The following SPATA17 variants were observed in gnomAD, a reference collection of about 807,000 sequenced individuals.
SPATA17 encodes the protein spermatogenesis associated 17, also known as spermatogenesis-associated protein 17.
SPATA17 carries 53 observed loss-of-function variants against 62.2 expected under a neutral mutation model. That is an observed-to-expected ratio of 0.85 (90% CI 0.68 to 1.07). The LOEUF is 1.07. SPATA17 is among the 50% of genes least tolerant of loss of function. The probability of loss-of-function intolerance (pLI) is 0.00; values close to 1 mark genes in which losing one functional copy is unlikely to be tolerated. For missense variants in SPATA17, 466 were observed against 425.5 expected (o/e 1.10, Z -0.84); for synonymous variants, 146 against 146.8 (o/e 0.99, Z 0.04).
intron 7 of SPATA17, among the ~76,000 whole-genome samples, chr1:217,775,203 A>T (rs1164365678): frequency 6.6e-6 from 1 of 152,080 alleles, no homozygotes; most frequent in African/African-American, 2.4e-5. Context: ...GAATCTTTTT[A>T]TGTGCCTATT....
At chr1:217,759,953 C>T (rs1263111590) in intron 6 of SPATA17, among the ~76,000 whole-genome samples, 1 of 151,994 alleles carries the variant, frequency 6.6e-6, no homozygotes, top group African/African-American at 2.4e-5. Context: ...TAATGATAGA[C>T]TGAAAGTAAA....
At chr1:217,792,600 CA>C (rs1384933995) in intron 8 of SPATA17, among the ~76,000 whole-genome samples, 1 of 152,172 alleles carries the variant, frequency 6.6e-6, no homozygotes, top group African/African-American at 2.4e-5. Context: ...TTCTGTTTTT[CA>C]GTTCAAATTT....
At chr1:217,721,209 C>G (rs995094119) in intron 5 of SPATA17, among the ~76,000 whole-genome samples, 1 of 152,180 alleles carries the variant, frequency 6.6e-6, no homozygotes, top group African/African-American at 2.4e-5. Flanking sequence ...TGGCTTAATA[C>G]AGTAATTAAT....
intron 5 of SPATA17, among the ~76,000 whole-genome samples, chr1:217,723,358 A>T (rs886842139): frequency 5.3e-5 from 8 of 152,168 alleles, no homozygotes; most frequent in African/African-American, 1.9e-4. Flanking sequence ...TCGGGGGCCC[A>T]TAAAAGATTT....
At chr1:217,785,865 A>G (rs1673846899) in intron 8 of SPATA17, among the ~76,000 whole-genome samples, 1 of 152,118 alleles carries the variant, frequency 6.6e-6, no homozygotes, top group Non-Finnish European at 1.5e-5. Flanking sequence ...TGGAAAATAG[A>G]TTACGGAAGT....
chr1:217,838,447 T>C (rs1170433465), intron 9 of SPATA17, among the ~76,000 whole-genome samples: 1 of 152,100 alleles, frequency 6.6e-6, no homozygotes, highest in Non-Finnish European at 1.5e-5. Flanking sequence ...AGTTCGCTCA[T>C]TATAGGTCCA....
chr1:217,747,388 G>A (rs1672786546), intron 6 of SPATA17, among the ~76,000 whole-genome samples: 1 of 152,022 alleles, frequency 6.6e-6, no homozygotes, highest in African/African-American at 2.4e-5. Context: ...TATATGCAAA[G>A]GCCTATTGTT....
intron 9 of SPATA17, among the ~76,000 whole-genome samples, chr1:217,838,201 C>A (rs2103005311): frequency 6.6e-6 from 1 of 152,116 alleles, no homozygotes; most frequent in African/African-American, 2.4e-5. Context: ...CATAGTATTT[C>A]TATTAGACAG....
At chr1:217,862,977 T>C in intron 10 of SPATA17, 121 bp downstream of exon 10, 1 of 520,184 alleles carries the variant, frequency 1.9e-6, no homozygotes, top group Admixed American at 3.2e-5. Context: ...TTTTATGTAA[T>C]AAGACTCCAT....
rs527540784 is a variant in SPATA17 at position 217,730,279 on chromosome 1, G to A, written c.396-11696G>A. Among the ~76,000 whole-genome samples, 10 of 151,010 alleles carry A rather than the reference G, an allele frequency of 6.6e-5. No individual in the cohort carries two copies. The East Asian group carries it at 7.8e-4, about 12-fold the overall frequency. On this transcript the variant is annotated intron_variant, in intron 5 of 10. Coordinates refer to ENST00000366933, the MANE Select transcript of SPATA17 (RefSeq NM_138796.4). ...GTCGCCAAGGCTACAGTGCAATGGCGTGATCTCGGCTCACTGCAACCTCTG... is the reference window on the plus strand; with the variant it reads ...GTCGCCAAGGCTACAGTGCAATGGCATGATCTCGGCTCACTGCAACCTCTG...
At chr1:217,637,653 A>G (rs1669972240) in intron 1 of SPATA17, among the ~76,000 whole-genome samples, 1 of 152,158 alleles carries the variant, frequency 6.6e-6, no homozygotes. Flanking sequence ...AATTTTGTTC[A>G]GTGTCCTTGA....
intron 4 of SPATA17, among the ~76,000 whole-genome samples, chr1:217,672,154 C>A (rs949439076): frequency 1.1e-4 from 16 of 152,156 alleles, no homozygotes; most frequent in African/African-American, 3.6e-4. Context: ...CAGTGTGTGG[C>A]CCAGATACCT....
chr1:217,695,579 G>A (rs2102914901), intron 5 of SPATA17, among the ~76,000 whole-genome samples: 4 of 23,550 alleles, frequency 1.7e-4, no homozygotes, highest in Admixed American at 1.7e-3. Flanking sequence ...CTGCGTTTTA[G>A]AGTTTCCAGT....
At chr1:217,814,507 T>C (rs1674667929) in intron 9 of SPATA17, among the ~76,000 whole-genome samples, 1 of 152,138 alleles carries the variant, frequency 6.6e-6, no homozygotes, top group Non-Finnish European at 1.5e-5. Flanking sequence ...TGGAAGTTTT[T>C]AGTCCCAATG....
At chr1:217,758,524 G>C (rs1673099377) in intron 6 of SPATA17, among the ~76,000 whole-genome samples, 1 of 152,252 alleles carries the variant, frequency 6.6e-6, no homozygotes, top group East Asian at 1.9e-4. Context: ...AAATTACAAA[G>C]GTAATAAAAG....
At chr1:217,747,846 A>G (rs895665906) in intron 6 of SPATA17, among the ~76,000 whole-genome samples, 4 of 152,142 alleles carry the variant, frequency 2.6e-5, no homozygotes, top group African/African-American at 9.7e-5. Context: ...TACTGAAAAA[A>G]CTATTTTAAG....
chr1:217,681,011 G>A (rs998317207), intron 4 of SPATA17, among the ~76,000 whole-genome samples: 4 of 147,124 alleles, frequency 2.7e-5, no homozygotes, highest in African/African-American at 5.0e-5. Flanking sequence ...GGCAGATCAC[G>A]AGGTCAAGAG....
intron 9 of SPATA17, among the ~76,000 whole-genome samples, chr1:217,858,701 G>A (rs1018651182): frequency 1.4e-5 from 2 of 138,508 alleles, no homozygotes; most frequent in South Asian, 2.9e-4. Context: ...CAGCCTGGGC[G>A]ACATAGCAAG....
rs1227203577 is a variant in SPATA17, at chr1:217,871,638, C to T, written c.*4619C>T. On this transcript the variant is annotated 3_prime_UTR_variant, in exon 11 of 11. Coordinates refer to ENST00000366933, the MANE Select transcript of SPATA17 (RefSeq NM_138796.4). ...AAATTGAGTGAATGACTGAACAAAT[C>T]GCTGGGTAATGCTGTTTAGGTTGTT... The T allele has an allele frequency of 6.6e-6, 1 of 152,098 alleles. No homozygotes were observed. Among genetic ancestry groups the T allele is most frequent in the African/African-American group, 2.4e-5 (1 of 41,420 alleles). The allele number at this position is 152,098 out of a possible 1,614,324, so 9.4% of individuals were successfully genotyped here. A position where few individuals can be genotyped will look rare whatever the true frequency, so the allele number is the denominator to read the frequency against.
Sources: allele counts gnomAD v4.1 joint callset (sites outside exome capture counted in the v4.1 genomes callset), GRCh38; gene constraint gnomAD v4.1.1; transcripts MANE v1.5; gene names NCBI Gene and HGNC (gene_info 2026-07-23, HGNC 2026-07-21).